Variants in LRRC8D observed in about 807,000 individuals in gnomAD.
LRRC8D encodes volume-regulated anion channel subunit LRRC8D.
A neutral mutation model predicts 55.8 loss-of-function variants in LRRC8D; 20 were observed. The observed-to-expected ratio is 0.36, with a 90% CI of 0.25 to 0.52. The LOEUF (loss-of-function observed/expected upper bound fraction) is 0.52. Among genes scored for constraint, LRRC8D ranks in the 20% least tolerant of loss-of-function variants. The pLI, the probability that LRRC8D is intolerant of heterozygous loss-of-function variation, is 0.93. For synonymous variants in LRRC8D, 352 were observed against 377.0 expected, an observed-to-expected ratio of 0.93 and a Z score of 0.77; for missense variants, 651 against 1,030.8, an observed-to-expected ratio of 0.63 and a Z score of 5.05.
intron 1 of LRRC8D, chr1:89,822,042 C>T (rs533096647): frequency 1.3e-5 from 2 of 152,572 alleles, no homozygotes; most frequent in African/African-American, 4.8e-5. Context: ...ACCAGCACCT[C>T]CAGTTACTGG....
chr1:89,884,368 T>G (rs1462775091), intron 2 of LRRC8D, among the ~76,000 whole-genome samples: 1 of 152,242 alleles, frequency 6.6e-6, no homozygotes, highest in Non-Finnish European at 1.5e-5. Flanking sequence ...AAATAATACC[T>G]AACATCTGTT....
At chr1:89,873,088 A>G (rs1412025340) in intron 2 of LRRC8D, among the ~76,000 whole-genome samples, 1 of 152,160 alleles carries the variant, frequency 6.6e-6, no homozygotes, top group Admixed American at 6.6e-5. Flanking sequence ...ATTTTGGTGA[A>G]GTGTTCTTAG....
At chr1:89,837,904 A>C (rs1661036854) in intron 1 of LRRC8D, among the ~76,000 whole-genome samples, 1 of 152,108 alleles carries the variant, frequency 6.6e-6, no homozygotes, top group Non-Finnish European at 1.5e-5. Flanking sequence ...TATAATGTAT[A>C]ATGGAGAATT....
chr1:89,843,086 A>T (rs561088083), intron 1 of LRRC8D: 1 of 152,262 alleles, frequency 6.6e-6, no homozygotes. Flanking sequence ...GTAATTTCCC[A>T]TCTTGAATCT....
At chr1:89,902,716 G>C (rs946329848) in intron 2 of LRRC8D, among the ~76,000 whole-genome samples, 1 of 151,798 alleles carries the variant, frequency 6.6e-6, no homozygotes, top group Middle Eastern at 3.4e-3. Flanking sequence ...GTAGAGATGG[G>C]TTTTCACCAT....
At chr1:89,829,824 A>T (rs556286010) in intron 1 of LRRC8D, among the ~76,000 whole-genome samples, 3 of 152,332 alleles carry the variant, frequency 2.0e-5, no homozygotes, top group Admixed American at 2.0e-4. Context: ...TCACTTAATT[A>T]TTCTGGTGTT....
chr1:89,921,846 C>G (rs544735836), intron 2 of LRRC8D, among the ~76,000 whole-genome samples: 57 of 151,810 alleles, frequency 3.8e-4, no homozygotes, highest in African/African-American at 1.3e-3. Flanking sequence ...ACCCGGCCAA[C>G]TTTTAAAGTT....
At chr1:89,870,270 A>G (rs1463859352) in intron 2 of LRRC8D, among the ~76,000 whole-genome samples, 2 of 151,690 alleles carry the variant, frequency 1.3e-5, no homozygotes, top group South Asian at 2.1e-4. Context: ...AGGTCAGGAG[A>G]TAGAGACCAT....
At chr1:89,856,392 C>T (rs1661554320) in intron 2 of LRRC8D, among the ~76,000 whole-genome samples, 1 of 152,116 alleles carries the variant, frequency 6.6e-6, no homozygotes, top group South Asian at 2.1e-4. Context: ...TTCTCTATTT[C>T]CAGAAATAAG....
chr1:89,892,108 A>G (rs933602540), intron 2 of LRRC8D, among the ~76,000 whole-genome samples: 1 of 152,168 alleles, frequency 6.6e-6, no homozygotes, highest in African/African-American at 2.4e-5. Flanking sequence ...CATTCTGATA[A>G]TTGTTCTTTA....
chr1:89,858,343 A>G (rs1661613855), intron 2 of LRRC8D, among the ~76,000 whole-genome samples: 1 of 152,198 alleles, frequency 6.6e-6, no homozygotes, highest in African/African-American at 2.4e-5. Flanking sequence ...ATCTGTGGTA[A>G]TAGGTGAAGA....
In LRRC8D at chr1:89,934,182, A is replaced by C; in HGVS notation, c.1114A>C (p.Ile372Leu). The change falls in exon 3 of 3, where the codon ATT becomes CTT. Residue 372 changes from isoleucine to leucine, a missense_variant. Physicochemically the swap from Ile to Leu is conservative, Grantham distance 5. Around this residue, in one of 5 missense-constraint regions of LRRC8D, gnomAD observed 178 missense variants for 374.9 expected, o/e 0.47. Transcript: ENST00000337338. The surrounding 1 kb of genome is among the most constrained non-coding windows in gnomAD (Gnocchi z 5.9). ...AAAGCTTCTCATCAGTTACATATCC[A>C]TTATTTGTGTTTATGGCTTTATCTG... ...LKKLLISYIS[I>L]ICVYGFICLY... is the part of the protein sequence containing the mutation. 1 of 1,614,006 alleles carries C rather than the reference A, an allele frequency of 6.2e-7. No homozygotes were observed. The highest frequency in any genetic ancestry group is 8.5e-7 in the Non-Finnish European group (1 of 1,179,932).
At chr1:89,870,203 G>A (rs1661970571) in intron 2 of LRRC8D, among the ~76,000 whole-genome samples, 1 of 152,084 alleles carries the variant, frequency 6.6e-6, no homozygotes, top group Admixed American at 6.5e-5. Context: ...GATGCCAGGT[G>A]TGGTGGCTCA....
intron 2 of LRRC8D, among the ~76,000 whole-genome samples, chr1:89,899,968 T>G (rs750597264): frequency 2.0e-5 from 3 of 152,224 alleles, no homozygotes; most frequent in Non-Finnish European, 4.4e-5. Flanking sequence ...TACTAGTCCC[T>G]GGGGAAACAA....
chr1:89,847,023 G>T (rs1661299070), intron 2 of LRRC8D, among the ~76,000 whole-genome samples: 1 of 152,100 alleles, frequency 6.6e-6, no homozygotes, highest in Non-Finnish European at 1.5e-5. Flanking sequence ...GTAATCCACT[G>T]AGAGGCTCAC....
chr1:89,912,110 T>G (rs1377391757), intron 2 of LRRC8D, among the ~76,000 whole-genome samples: 1 of 152,192 alleles, frequency 6.6e-6, no homozygotes, highest in Admixed American at 6.5e-5. Flanking sequence ...GACTTAAATT[T>G]ATTATGCCAC....
chr1:89,892,936 C>G (rs537094606), intron 2 of LRRC8D, among the ~76,000 whole-genome samples: 5 of 152,316 alleles, frequency 3.3e-5, no homozygotes, highest in Admixed American at 3.3e-4. Context: ...ATGTCCTCAG[C>G]TTTCAGTTGA....
chr1:89,872,103 G>A (rs1423775721), intron 2 of LRRC8D, among the ~76,000 whole-genome samples: 1 of 152,202 alleles, frequency 6.6e-6, no homozygotes, highest in Non-Finnish European at 1.5e-5. Flanking sequence ...TTTCCTGAGA[G>A]TGTATTCCGT....
intron 2 of LRRC8D, among the ~76,000 whole-genome samples, chr1:89,856,859 C>T (rs1032920850): frequency 1.3e-5 from 2 of 152,170 alleles, no homozygotes; most frequent in African/African-American, 4.8e-5. Flanking sequence ...TGCATATGCT[C>T]TGTTTCTCCC....
Sources: allele counts gnomAD v4.1 joint callset (sites outside exome capture counted in the v4.1 genomes callset), GRCh38; gene constraint gnomAD v4.1.1; regional missense constraint gnomAD v4.1.1; non-coding constraint Gnocchi (gnomAD v3.1); transcripts MANE v1.5; gene names NCBI Gene and HGNC (gene_info 2026-07-23, HGNC 2026-07-21).